SNX29: variants seen among roughly 807,000 people sequenced by gnomAD.
SNX29 encodes sorting nexin-29.
In SNX29, 78 loss-of-function variants were observed where a neutral mutation model predicts 102.1. The ratio of observed to expected loss-of-function variants is 0.76; its 90% CI spans 0.64 to 0.92. The LOEUF is 0.92. Among genes scored for constraint, SNX29 ranks in the 40% least tolerant of loss-of-function variants. The pLI is 0.00. For synonymous variants in SNX29, 580 were observed against 414.5 expected (o/e 1.40, Z -4.85); for missense variants, 1,280 against 1,061.7 (o/e 1.21, Z -2.86).
intron 13 of SNX29, 33 bp downstream of exon 13, chr16:12,129,791 C>T (rs1335121796): frequency 3.8e-6 from 6 of 1,568,088 alleles, no homozygotes; most frequent in South Asian, 1.2e-5. Context: ...GAGGTAAGCA[C>T]GTGGGGGCTT....
At chr16:12,092,604 G>C (rs2052602833) in intron 11 of SNX29, among the ~76,000 whole-genome samples, 1 of 152,220 alleles carries the variant, frequency 6.6e-6, no homozygotes, top group African/African-American at 2.4e-5. Context: ...GGCTCTGAGA[G>C]TAGTAGGTCG....
At chr16:12,542,871 G>C (rs541317954) in intron 20 of SNX29, among the ~76,000 whole-genome samples, 1 of 151,990 alleles carries the variant, frequency 6.6e-6, no homozygotes, top group East Asian at 1.9e-4. Flanking sequence ...AAATGTCTGA[G>C]TCTCTAGAGG....
intron 20 of SNX29, among the ~76,000 whole-genome samples, chr16:12,528,980 A>G (rs1312570612): frequency 6.6e-6 from 1 of 152,066 alleles, no homozygotes; most frequent in Admixed American, 6.6e-5. Flanking sequence ...TTTCACACAC[A>G]CTCTTCCATT....
rs116153462 is a variant in SNX29 at position 12,542,350 on chromosome 16, G to A, written c.2318+17509G>A. Among the ~76,000 whole-genome samples, 265 of 152,254 alleles carry A rather than the reference G, an allele frequency of 1.7e-3. 1 individual carries two copies. The highest frequency in any genetic ancestry group is 6.2e-3 in the African/African-American group (259 of 41,560). The stretch of plus-strand genomic sequence containing the variant: ...GTTAGAGCAAGAGATTGTCTCAAAA[G>A]AAAAAGTTAGACCCAAGTTCTATCA... On this transcript the variant is annotated intron_variant, in intron 20 of 20. Transcript: ENST00000566228.
chr16:12,402,651 CA>C (rs993639666), intron 17 of SNX29, among the ~76,000 whole-genome samples: 21 of 152,264 alleles, frequency 1.4e-4, no homozygotes, highest in African/African-American at 4.6e-4. Flanking sequence ...ATCACATAAC[CA>C]AAATATCTGT....
chr16:12,204,616 T>C (rs966944339), intron 14 of SNX29, among the ~76,000 whole-genome samples: 1 of 152,178 alleles, frequency 6.6e-6, no homozygotes, highest in African/African-American at 2.4e-5. Context: ...CTGGTGGCCA[T>C]CAAAATAATC....
chr16:12,403,590 C>A, intron 18 of SNX29, 61 bp downstream of exon 18: 1 of 1,492,164 alleles, frequency 6.7e-7, no homozygotes, highest in Non-Finnish European at 9.2e-7. Flanking sequence ...ATTTGTCATG[C>A]TGTGGTGCTT....
At chr16:12,406,472 A>G (rs2084170563) in intron 18 of SNX29, among the ~76,000 whole-genome samples, 1 of 152,256 alleles carries the variant, frequency 6.6e-6, no homozygotes, top group Non-Finnish European at 1.5e-5. Flanking sequence ...AACCAAGGGC[A>G]TAACCCCAAA....
At chr16:12,541,386 G>A (rs1005614879) in intron 20 of SNX29, among the ~76,000 whole-genome samples, 1 of 152,128 alleles carries the variant, frequency 6.6e-6, no homozygotes, top group African/African-American at 2.4e-5. Flanking sequence ...GTTACCATGT[G>A]CAGGCTCATT....
intron 19 of SNX29, among the ~76,000 whole-genome samples, chr16:12,482,925 C>G (rs1012349785): frequency 6.6e-6 from 1 of 152,056 alleles, no homozygotes; most frequent in Non-Finnish European, 1.5e-5. Context: ...CTTTAATATG[C>G]CATGCATGTG....
At chr16:12,113,132 C>G (rs1233202635) in intron 11 of SNX29, among the ~76,000 whole-genome samples, 1 of 152,234 alleles carries the variant, frequency 6.6e-6, no homozygotes, top group Non-Finnish European at 1.5e-5. Flanking sequence ...CCCTGCTCTC[C>G]AGGACTGAGG....
At chr16:12,466,168 T>C (rs901787899) in intron 18 of SNX29, among the ~76,000 whole-genome samples, 1 of 151,926 alleles carries the variant, frequency 6.6e-6, no homozygotes, top group Non-Finnish European at 1.5e-5. Context: ...GAAAAAGAAA[T>C]AAAAGGCATC....
At chr16:12,445,698 A>G (rs1039698864) in intron 18 of SNX29, among the ~76,000 whole-genome samples, 1 of 152,220 alleles carries the variant, frequency 6.6e-6, no homozygotes, top group Admixed American at 6.5e-5. Context: ...GCAGCCCATC[A>G]GCTTCCTCTC....
chr16:12,330,841 A>G (rs2081273031), intron 15 of SNX29, among the ~76,000 whole-genome samples: 1 of 152,204 alleles, frequency 6.6e-6, no homozygotes, highest in African/African-American at 2.4e-5. Flanking sequence ...GTGCAGCTTC[A>G]CGTTCAGATG....
chr16:12,404,852 G>T (rs975452746), intron 18 of SNX29, among the ~76,000 whole-genome samples: 3 of 152,120 alleles, frequency 2.0e-5, no homozygotes, highest in Non-Finnish European at 4.4e-5. Flanking sequence ...CTTCCCAAAT[G>T]ACCGCTGTGC....
At chr16:12,073,289 G>T (rs1486624386) in intron 10 of SNX29, among the ~76,000 whole-genome samples, 2 of 151,960 alleles carry the variant, frequency 1.3e-5, no homozygotes, top group Non-Finnish European at 1.5e-5. Context: ...GATCTTTCCT[G>T]CTTTCTCTTG....
rs560040158 is a variant in SNX29 at position 12,558,942 on chromosome 16, T to C, written c.2319-9564T>C. Among the ~76,000 whole-genome samples the C allele has an allele frequency of 9.1e-4, 139 of 152,314 alleles. 1 individual carries two copies. The South Asian group carries it at 9.3e-3, about 10-fold the overall frequency. On this transcript the variant is annotated intron_variant, in intron 20 of 20. Transcript: ENST00000566228. ...GTTTAATCTCATAGGTGGGTTGATA[T>C]CGGCCCCATGTTTCAGGTAACAGAG...
chr16:12,161,304 C>T (rs555513049), intron 13 of SNX29, among the ~76,000 whole-genome samples: 4 of 152,298 alleles, frequency 2.6e-5, no homozygotes, highest in South Asian at 2.1e-4. Context: ...TGCCCCGAGG[C>T]GCAGCTTGGT....
chr16:12,021,811 A>G (rs1411505884), intron 3 of SNX29, among the ~76,000 whole-genome samples: 2 of 151,878 alleles, frequency 1.3e-5, no homozygotes, highest in African/African-American at 4.8e-5. Context: ...GATAATCTCG[A>G]ACGTGGGTGG....
Sources: allele counts gnomAD v4.1 joint callset (sites outside exome capture counted in the v4.1 genomes callset), GRCh38; gene constraint gnomAD v4.1.1; transcripts MANE v1.5; gene names NCBI Gene and HGNC (gene_info 2026-07-23, HGNC 2026-07-21).